MEI4: variants seen among roughly 807,000 people sequenced by gnomAD.
MEI4 encodes the protein meiotic double-stranded break formation protein 4, also known as meiosis-specific protein MEI4.
MEI4 carries 27 observed loss-of-function variants against 31.4 expected under a neutral mutation model. That is an observed-to-expected ratio of 0.86 (90% CI 0.63 to 1.19). MEI4 has a LOEUF of 1.19. Among genes scored for constraint, MEI4 ranks in the 50% most tolerant of loss-of-function variants. The probability of loss-of-function intolerance (pLI) is 0.00; values close to 1 mark genes in which losing one functional copy is unlikely to be tolerated. For missense variants in MEI4, 329 were observed against 398.9 expected, an observed-to-expected ratio of 0.82 and a Z score of 1.49; for synonymous variants, 122 against 145.4, an observed-to-expected ratio of 0.84 and a Z score of 1.16.
At chr6:77,775,361 A>T (rs1196811719) in intron 3 of MEI4, among the ~76,000 whole-genome samples, 1 of 151,976 alleles carries the variant, frequency 6.6e-6, no homozygotes, top group African/African-American at 2.4e-5. Context: ...CGAGTCCCCA[A>T]AGTCCGTTGT....
chr6:77,652,587 T>C (rs1182849874), upstream of MEI4, among the ~76,000 whole-genome samples: 1 of 152,168 alleles, frequency 6.6e-6, no homozygotes, highest in East Asian at 1.9e-4. Flanking sequence ...TGGTATGCAA[T>C]TAGTGCACTT....
chr6:77,770,538 A>G (rs1252047519), intron 3 of MEI4, among the ~76,000 whole-genome samples: 1 of 152,182 alleles, frequency 6.6e-6, no homozygotes, highest in Non-Finnish European at 1.5e-5. Context: ...AAGAGCCCAA[A>G]TACCCAAGGC....
intron 3 of MEI4, among the ~76,000 whole-genome samples, chr6:77,778,362 G>A (rs1768508745): frequency 6.6e-6 from 1 of 152,018 alleles, no homozygotes; most frequent in Non-Finnish European, 1.5e-5. Context: ...TGGAATAAAT[G>A]TTATAAAACT....
At chr6:77,747,639 G>A (rs1217082892) in intron 2 of MEI4, among the ~76,000 whole-genome samples, 1 of 152,118 alleles carries the variant, frequency 6.6e-6, no homozygotes, top group Admixed American at 6.5e-5. Flanking sequence ...GATGAGATTT[G>A]GGTGGGGACA....
intron 4 of MEI4, among the ~76,000 whole-genome samples, chr6:77,836,496 T>C (rs1770221244): frequency 6.6e-6 from 1 of 152,134 alleles, no homozygotes; most frequent in African/African-American, 2.4e-5. Context: ...GAAGCATTTT[T>C]ACTTTTCTCT....
intron 4 of MEI4, among the ~76,000 whole-genome samples, chr6:77,855,049 G>T (rs1770713512): frequency 6.6e-6 from 1 of 152,054 alleles, no homozygotes. Flanking sequence ...GAAAATTACT[G>T]CATTTAGGTC....
intron 2 of MEI4, among the ~76,000 whole-genome samples, chr6:77,715,607 T>C (rs1335862412): frequency 6.6e-6 from 1 of 152,220 alleles, no homozygotes; most frequent in Non-Finnish European, 1.5e-5. Context: ...TAATAGACTC[T>C]GCAGAATCAA....
intron 1 of MEI4, among the ~76,000 whole-genome samples, chr6:77,685,004 C>G (rs1769026384): frequency 6.6e-6 from 1 of 152,150 alleles, no homozygotes; most frequent in Non-Finnish European, 1.5e-5. Flanking sequence ...CACATCCTCA[C>G]CAGCAGTTGT....
intron 4 of MEI4, among the ~76,000 whole-genome samples, chr6:77,863,416 A>T (rs6932666): frequency 0.14 from 21,117 of 151,860 alleles, 1,742 homozygotes; most frequent in East Asian, 0.39. Flanking sequence ...AAACCAAGGC[A>T]CGGGAACTAC....
At position 77,923,511 on chromosome 6, in the gene MEI4, T is replaced by G. The variant is rs1346798472; in HGVS notation, c.*165T>G. On this transcript the variant is annotated 3_prime_UTR_variant, in exon 5 of 5. Transcript: ENST00000684080. ...TGGTTAGTCTTAAATTGTATGAAATTTTATGAGTCATATTTCTATACTAAA... is the reference window on the plus strand; with the variant it reads ...TGGTTAGTCTTAAATTGTATGAAATGTTATGAGTCATATTTCTATACTAAA... The G allele has an allele frequency of 1.7e-6, 1 of 598,628 alleles. No homozygotes were observed. Among genetic ancestry groups the G allele is most frequent in the Non-Finnish European group, 2.4e-6 (1 of 416,622 alleles). 37.1% of individuals were successfully genotyped at this position (598,628 alleles called of 1,614,324 possible).
At chr6:77,877,154 G>C (rs1453864083) in intron 4 of MEI4, among the ~76,000 whole-genome samples, 1 of 152,000 alleles carries the variant, frequency 6.6e-6, no homozygotes, top group African/African-American at 2.4e-5. Context: ...ATTTCACAAA[G>C]ATATAAAAAA....
chr6:77,818,220 T>C (rs938477939), intron 3 of MEI4, among the ~76,000 whole-genome samples: 1 of 152,178 alleles, frequency 6.6e-6, no homozygotes, highest in Admixed American at 6.5e-5. Context: ...GTGTTTAAAA[T>C]GAACATCTCT....
At position 77,731,063 on chromosome 6, in the gene MEI4, G is replaced by T. The variant is rs1004063569; in HGVS notation, c.233-30067G>T. Reference sequence around the variant, plus strand: ...TTGGGTTGGTTCCAAGCCTTTGCTAGTGTGACTAGTGCCTCAATAAACATA... The same window carrying T: ...TTGGGTTGGTTCCAAGCCTTTGCTATTGTGACTAGTGCCTCAATAAACATA... On this transcript the variant is annotated intron_variant, in intron 2 of 4. Coordinates refer to ENST00000684080, the MANE Select transcript of MEI4 (RefSeq NM_001322247.2). Among the ~76,000 whole-genome samples the T allele has an allele frequency of 1.2e-3, 183 of 152,020 alleles. 4 individuals are homozygous for T. The highest frequency in any genetic ancestry group is 4.3e-3 in the African/African-American group (177 of 41,318).
chr6:77,734,869 G>T (rs1023731439), intron 2 of MEI4, among the ~76,000 whole-genome samples: 11 of 151,588 alleles, frequency 7.3e-5, no homozygotes, highest in African/African-American at 2.4e-4. Flanking sequence ...GTCTGTAAAG[G>T]ATTTTATTTC....
At chr6:77,749,528 G>A (rs1352173519) in intron 2 of MEI4, among the ~76,000 whole-genome samples, 1 of 152,028 alleles carries the variant, frequency 6.6e-6, no homozygotes, top group East Asian at 1.9e-4. Flanking sequence ...AGAGATTGAA[G>A]ATCAACTCAA....
chr6:77,834,390 TTATA>T (rs1164253291), intron 4 of MEI4, among the ~76,000 whole-genome samples: 4 of 147,682 alleles, frequency 2.7e-5, no homozygotes, highest in Non-Finnish European at 4.5e-5. Flanking sequence ...TATTTATAAA[TTATA>T]TATAATATAA....
At chr6:77,706,687 G>A (rs1361586316) in intron 2 of MEI4, among the ~76,000 whole-genome samples, 2 of 152,104 alleles carry the variant, frequency 1.3e-5, no homozygotes, top group Non-Finnish European at 2.9e-5. Context: ...GAATGATTTG[G>A]TGCTGTCCTC....
At chr6:77,733,431 TTC>T (rs1267828997) in intron 2 of MEI4, among the ~76,000 whole-genome samples, 11 of 152,140 alleles carry the variant, frequency 7.2e-5, no homozygotes, top group African/African-American at 2.7e-4. Context: ...GTTCGTAGTA[TTC>T]TCTGATGGTA....
intron 2 of MEI4, among the ~76,000 whole-genome samples, chr6:77,697,151 C>T (rs1766070091): frequency 1.3e-5 from 2 of 152,080 alleles, no homozygotes; most frequent in South Asian, 4.1e-4. Context: ...TTTGATTCTT[C>T]TCTCTTTTCT....
Sources: allele counts gnomAD v4.1 joint callset (sites outside exome capture counted in the v4.1 genomes callset), GRCh38; gene constraint gnomAD v4.1.1; transcripts MANE v1.5; gene names NCBI Gene and HGNC (gene_info 2026-07-23, HGNC 2026-07-21).